Variants in ADAMTS20 observed in about 807,000 individuals in gnomAD.
ADAMTS20 encodes ADAM metallopeptidase with thrombospondin type 1 motif 20, also known as A disintegrin and metalloproteinase with thrombospondin motifs 20.
A neutral mutation model predicts 260.1 loss-of-function variants in ADAMTS20; 225 were observed. The observed-to-expected ratio is 0.87, with a 90% CI of 0.78 to 0.97. The LOEUF (loss-of-function observed/expected upper bound fraction) is 0.97, where lower values mean the gene tolerates loss of function less well. Ranked by LOEUF, ADAMTS20 falls within the 50% of genes least tolerant of loss-of-function variation. The pLI is 0.00. For synonymous variants in ADAMTS20, 802 were observed against 769.5 expected, an observed-to-expected ratio of 1.04 and a Z score of -0.70; for missense variants, 2,400 against 2,337.7, an observed-to-expected ratio of 1.03 and a Z score of -0.55.
intron 28 of ADAMTS20, among the ~76,000 whole-genome samples, chr12:43,411,411 A>G (rs928350039): frequency 1.3e-5 from 2 of 152,178 alleles, no homozygotes; most frequent in East Asian, 3.8e-4. Flanking sequence ...CTTGTTGCCC[A>G]GGCTGGAGTT....
chr12:43,362,517 A>C (rs1235085302), intron 37 of ADAMTS20, among the ~76,000 whole-genome samples: 1 of 152,218 alleles, frequency 6.6e-6, no homozygotes, highest in Non-Finnish European at 1.5e-5. Flanking sequence ...TGCCTTTAAA[A>C]ATACAATCAT....
intron 15 of ADAMTS20, among the ~76,000 whole-genome samples, chr12:43,445,719 G>A (rs1385177670): frequency 6.6e-6 from 1 of 151,812 alleles, no homozygotes; most frequent in Non-Finnish European, 1.5e-5. Flanking sequence ...GGGCATGGTG[G>A]TGAACACCTG....
intron 28 of ADAMTS20, among the ~76,000 whole-genome samples, chr12:43,416,187 C>T (rs568417563): frequency 2.6e-4 from 40 of 152,290 alleles, no homozygotes; most frequent in Admixed American, 1.0e-3. Context: ...AATCCACAAA[C>T]ATCTGATGAC....
intron 19 of ADAMTS20, chr12:43,433,654 T>C (rs79127224): frequency 0.026 from 7,198 of 271,934 alleles, 156 homozygotes; most frequent in East Asian, 0.071. Flanking sequence ...ACTCATTGTA[T>C]ACCATGTCAC....
chr12:43,543,600 T>C (rs11182146), intron 2 of ADAMTS20, among the ~76,000 whole-genome samples: 31,566 of 152,180 alleles, frequency 0.21, 3,463 homozygotes, highest in South Asian at 0.32. Context: ...ATCCTGGACA[T>C]TGAGCCAGAG....
At chr12:43,381,977 A>G (rs927011989) in intron 31 of ADAMTS20, among the ~76,000 whole-genome samples, 2 of 152,136 alleles carry the variant, frequency 1.3e-5, no homozygotes, top group Non-Finnish European at 2.9e-5. Flanking sequence ...GATTATAACA[A>G]GTGCTGTTGA....
In ADAMTS20 at chr12:43,376,598, T is replaced by C. The variant is rs780912484; in HGVS notation, c.5051A>G (p.Lys1684Arg). 3 of 1,613,608 alleles carry C rather than the reference T, an allele frequency of 1.9e-6. No homozygotes were observed. Among genetic ancestry groups the C allele is most frequent in the Non-Finnish European group, 2.5e-6 (3 of 1,179,722 alleles). The change falls in exon 33 of 39, where the codon AAA becomes AGA. Residue 1684 changes from lysine to arginine, a missense_variant. By Grantham distance (26) the Lys-to-Arg change is conservative. Transcript: ENST00000389420. ...IMKRQVKCITKHGLSSDLCLN... is the reference protein window; with the variant it reads ...IMKRQVKCITRHGLSSDLCLN... ...ACATAAGTCACTGGACAAACCATGT[T>C]TGGTAATGCATTTCACTTGTCTCTT... is the stretch of plus-strand genomic sequence containing the variant.
rs117401284 is a variant in ADAMTS20 at position 43,512,417 on chromosome 12, T to C, written c.614-10012A>G. On this transcript the variant is annotated intron_variant, in intron 3 of 38. Coordinates refer to ENST00000389420, the MANE Select transcript of ADAMTS20 (RefSeq NM_025003.5). ...GAAGGTTAAACTGCCTATTGTAATA[T>C]AACTAATAAAATATAAACCTGAAAT... Among the ~76,000 whole-genome samples the C allele has an allele frequency of 9.9e-3, 1,495 of 151,374 alleles. 13 individuals carry two copies. Among genetic ancestry groups the C allele is most frequent in the Middle Eastern group, 0.038 (11 of 286 alleles).
intron 26 of ADAMTS20, 118 bp downstream of exon 26, chr12:43,428,123 T>G: frequency 9.5e-7 from 1 of 1,048,608 alleles, no homozygotes; most frequent in South Asian, 1.7e-5. Context: ...ATATTTAAAC[T>G]ATTGATCTTG....
chr12:43,369,187 A>G (rs921806628), intron 37 of ADAMTS20, 103 bp downstream of exon 37: 5 of 639,456 alleles, frequency 7.8e-6, no homozygotes, highest in African/African-American at 1.9e-5. Flanking sequence ...TTGCATTTCT[A>G]TTTACTTATG....
intron 27 of ADAMTS20, among the ~76,000 whole-genome samples, 187 bp from the exon 28 acceptor site, chr12:43,425,877 A>G (rs1941323512): frequency 1.3e-5 from 2 of 151,806 alleles, no homozygotes; most frequent in Non-Finnish European, 1.5e-5. Context: ...AATTATCAAC[A>G]TTTCCCCCTA....
At chr12:43,518,376 G>A (rs1943026108) in intron 3 of ADAMTS20, among the ~76,000 whole-genome samples, 1 of 152,048 alleles carries the variant, frequency 6.6e-6, no homozygotes, top group African/African-American at 2.4e-5. Context: ...CTACCTTCTT[G>A]TAAATCTTTC....
At chr12:43,538,236 T>G (rs991240422) in intron 2 of ADAMTS20, among the ~76,000 whole-genome samples, 1 of 152,376 alleles carries the variant, frequency 6.6e-6, no homozygotes, top group Non-Finnish European at 1.5e-5. Context: ...GATATCTCAC[T>G]GTAGTTTTGA....
At chr12:43,415,852 C>T (rs1046643180) in intron 28 of ADAMTS20, among the ~76,000 whole-genome samples, 2 of 152,112 alleles carry the variant, frequency 1.3e-5, no homozygotes, top group African/African-American at 2.4e-5. Context: ...AGATTATATT[C>T]TCTTACATGA....
At chr12:43,485,781 C>A (rs1204091807) in intron 7 of ADAMTS20, among the ~76,000 whole-genome samples, 1 of 152,048 alleles carries the variant, frequency 6.6e-6, no homozygotes, top group Non-Finnish European at 1.5e-5. Context: ...CAAAAACAAT[C>A]AAGCAGAGAA....
chr12:43,468,561 A>T, intron 8 of ADAMTS20, 39 bp downstream of exon 8: 1 of 1,226,468 alleles, frequency 8.2e-7, no homozygotes. Flanking sequence ...TGCAAAGATA[A>T]ATAGAATGCA....
intron 8 of ADAMTS20, 144 bp from the exon 9 acceptor site, chr12:43,466,939 G>A: frequency 1.7e-6 from 1 of 600,442 alleles, no homozygotes; most frequent in South Asian, 2.9e-5. Flanking sequence ...CTATCCATAA[G>A]GCCTTAACAG....
intron 3 of ADAMTS20, among the ~76,000 whole-genome samples, chr12:43,528,087 A>G (rs894084301): frequency 1.1e-4 from 16 of 151,978 alleles, no homozygotes; most frequent in Non-Finnish European, 2.1e-4. Flanking sequence ...TCCCTTTTAC[A>G]ATAGCTGCAA....
intron 3 of ADAMTS20, among the ~76,000 whole-genome samples, chr12:43,527,673 A>G (rs1275317546): frequency 6.6e-6 from 1 of 152,164 alleles, no homozygotes; most frequent in East Asian, 1.9e-4. Flanking sequence ...AACTAGGCAT[A>G]GAAGGAACAT....
Sources: gnomAD v4.1 joint callset for allele counts (sites outside exome capture counted in the v4.1 genomes callset) on GRCh38, gnomAD v4.1.1 for gene constraint, MANE v1.5 for transcripts, NCBI Gene and HGNC (gene_info 2026-07-23, HGNC 2026-07-21) for gene names.